ITPRID1: variants seen among roughly 807,000 people sequenced by gnomAD.
The protein encoded by ITPRID1 is ITPR interacting domain containing 1.
In ITPRID1, 96 loss-of-function variants were observed where a neutral mutation model predicts 95.4. That is an observed-to-expected ratio of 1.01 (90% CI 0.85 to 1.19). The LOEUF (loss-of-function observed/expected upper bound fraction) is 1.19, where lower values mean the gene tolerates loss of function less well. Ranked by LOEUF, ITPRID1 falls within the 50% of genes most tolerant of loss-of-function variation. The pLI, the probability that ITPRID1 is intolerant of heterozygous loss-of-function variation, is 0.00. For missense variants in ITPRID1, 1,339 were observed against 1,252.9 expected, an observed-to-expected ratio of 1.07 and a Z score of -1.04; for synonymous variants, 510 against 453.6, an observed-to-expected ratio of 1.12 and a Z score of -1.58.
intron 10 of ITPRID1, among the ~76,000 whole-genome samples, chr7:31,588,631 C>CAAAAAAA (rs57245935): frequency 7.0e-5 from 3 of 42,566 alleles, no homozygotes; most frequent in African/African-American, 9.5e-5. Context: ...TACTCTGTCT[C>CAAAAAAA]AAAAAAAAAA....
intron 1 of ITPRID1, among the ~76,000 whole-genome samples, chr7:31,524,702 G>A (rs930549149): frequency 7.2e-5 from 11 of 152,114 alleles, no homozygotes; most frequent in African/African-American, 2.7e-4. Flanking sequence ...CAGCCCATAA[G>A]CTTTTTTATA....
intron 10 of ITPRID1, among the ~76,000 whole-genome samples, chr7:31,621,571 C>G (rs528689549): frequency 6.8e-6 from 1 of 147,548 alleles, no homozygotes; most frequent in Admixed American, 6.8e-5. Context: ...GATTTTGTCA[C>G]CACCAGGCCT....
At chr7:31,604,415 C>A (rs1337059751) in intron 10 of ITPRID1, among the ~76,000 whole-genome samples, 2 of 152,124 alleles carry the variant, frequency 1.3e-5, no homozygotes, top group Non-Finnish European at 2.9e-5. Flanking sequence ...ATTTCTCTAG[C>A]AAAAAATTTA....
chr7:31,633,517 A>C (rs1345665187), intron 10 of ITPRID1, among the ~76,000 whole-genome samples: 1 of 152,188 alleles, frequency 6.6e-6, no homozygotes, highest in African/African-American at 2.4e-5. Context: ...AAAACATTGA[A>C]AATTAATTTT....
intron 1 of ITPRID1, among the ~76,000 whole-genome samples, chr7:31,539,971 C>A (rs1419436746): frequency 6.6e-6 from 1 of 151,990 alleles, no homozygotes; most frequent in Non-Finnish European, 1.5e-5. Flanking sequence ...CTGACCTTAG[C>A]CATTAGGCTG....
intron 1 of ITPRID1, among the ~76,000 whole-genome samples, chr7:31,539,348 C>A (rs1453641692): frequency 6.6e-6 from 1 of 152,060 alleles, no homozygotes; most frequent in Non-Finnish European, 1.5e-5. Context: ...CCACACCTGG[C>A]TAATTTTTGT....
Position 31,649,796 on chromosome 7 carries a change from C to A in ITPRID1, c.2584-1346C>A, listed in dbSNP as rs55688464. Among the ~76,000 whole-genome samples the A allele has an allele frequency of 2.9e-3, 440 of 152,212 alleles. 1 individual carries two copies. The East Asian group carries it at 0.029, about 10-fold the overall frequency. Reference sequence around the variant, plus strand: ...AGAACTCAGCAAGTCATCAGAGTGCCGGCAAATGGACTGGGCTTGGAGGTG... The same window carrying A: ...AGAACTCAGCAAGTCATCAGAGTGCAGGCAAATGGACTGGGCTTGGAGGTG... On this transcript the variant is annotated intron_variant, in intron 12 of 14. Transcript: ENST00000615280.
intron 10 of ITPRID1, among the ~76,000 whole-genome samples, chr7:31,636,416 C>T (rs73689152): frequency 0.014 from 2,132 of 152,226 alleles, 55 homozygotes; most frequent in African/African-American, 0.048. Context: ...GTAACTGCTT[C>T]GAGATTGTTT....
At chr7:31,579,440 G>A (rs1562584316) in intron 9 of ITPRID1, among the ~76,000 whole-genome samples, 1 of 152,174 alleles carries the variant, frequency 6.6e-6, no homozygotes, top group Admixed American at 6.5e-5. Context: ...AATGGTAACA[G>A]AATCTGCCTT....
At chr7:31,592,221 G>C (rs1785896789) in intron 10 of ITPRID1, among the ~76,000 whole-genome samples, 1 of 152,156 alleles carries the variant, frequency 6.6e-6, no homozygotes, top group Non-Finnish European at 1.5e-5. Flanking sequence ...TGAGACCATG[G>C]ATGGAGCATG....
intron 1 of ITPRID1, among the ~76,000 whole-genome samples, chr7:31,519,407 C>T (rs1387624145): frequency 6.6e-6 from 1 of 151,882 alleles, no homozygotes; most frequent in Non-Finnish European, 1.5e-5. Flanking sequence ...TGTGTCTCCT[C>T]TGTCAATTAT....
chr7:31,629,955 TAATA>T (rs1020418225), intron 10 of ITPRID1, among the ~76,000 whole-genome samples: 7 of 152,082 alleles, frequency 4.6e-5, no homozygotes, highest in African/African-American at 1.4e-4. Context: ...GATATAAATA[TAATA>T]AATATCATGA....
chr7:31,582,088 C>A (rs1785425059), intron 9 of ITPRID1, among the ~76,000 whole-genome samples: 1 of 152,164 alleles, frequency 6.6e-6, no homozygotes, highest in Admixed American at 6.5e-5. Context: ...ACTCAAATAT[C>A]AATTCCAAAT....
chr7:31,596,677 T>C (rs1395688039), intron 10 of ITPRID1, among the ~76,000 whole-genome samples: 1 of 151,356 alleles, frequency 6.6e-6, no homozygotes, highest in East Asian at 1.9e-4. Context: ...CCAACAGAAA[T>C]TGAAGATAGA....
At chr7:31,573,258 G>C (rs868679508) in intron 7 of ITPRID1, among the ~76,000 whole-genome samples, 1 of 152,070 alleles carries the variant, frequency 6.6e-6, no homozygotes, top group Non-Finnish European at 1.5e-5. Context: ...TGATGTAGTG[G>C]GTGTTTTAAT....
intron 1 of ITPRID1, chr7:31,518,468 A>G (rs983965204): frequency 6.6e-6 from 1 of 152,374 alleles, no homozygotes; most frequent in Non-Finnish European, 1.5e-5. Context: ...TCCACGGGGA[A>G]TAGGAATTGG....
At chr7:31,528,506 A>G (rs1041083224) in intron 1 of ITPRID1, among the ~76,000 whole-genome samples, 1 of 152,122 alleles carries the variant, frequency 6.6e-6, no homozygotes, top group South Asian at 2.1e-4. Flanking sequence ...GAGGAAAAGG[A>G]GGCTGTTTTG....
At chr7:31,586,993 A>G (rs1401176997) in intron 10 of ITPRID1, among the ~76,000 whole-genome samples, 1 of 152,126 alleles carries the variant, frequency 6.6e-6, no homozygotes, top group Non-Finnish European at 1.5e-5. Flanking sequence ...TTAAGTCTTT[A>G]ATCCATCTTA....
chr7:31,618,201 T>TTTCAC (rs1195787444), intron 10 of ITPRID1, among the ~76,000 whole-genome samples: 2 of 152,146 alleles, frequency 1.3e-5, no homozygotes, highest in African/African-American at 4.8e-5. Context: ...AGATCAGCCT[T>TTTCAC]TTCACTTCAT....
Sources: gnomAD v4.1 joint callset for allele counts (sites outside exome capture counted in the v4.1 genomes callset) on GRCh38, gnomAD v4.1.1 for gene constraint, MANE v1.5 for transcripts, NCBI Gene and HGNC (gene_info 2026-07-23, HGNC 2026-07-21) for gene names.